Variants in MUC17 observed in about 807,000 individuals in gnomAD.
MUC17 encodes the protein mucin-17.
MUC17 carries 190 observed loss-of-function variants against 170.3 expected under a neutral mutation model. That is an observed-to-expected ratio of 1.12 (90% CI 0.99 to 1.26). The LOEUF (loss-of-function observed/expected upper bound fraction) is 1.26, where lower values mean the gene tolerates loss of function less well. MUC17 is among the 50% of genes most tolerant of loss of function. MUC17 has a pLI of 0.00. For synonymous variants in MUC17, 2,325 were observed against 2,002.5 expected (o/e 1.16, Z -4.30); for missense variants, 6,415 against 5,530.0 (o/e 1.16, Z -5.08).
At chr7:101,045,277 T>C (rs1794818191) in intron 3 of MUC17, among the ~76,000 whole-genome samples, 2 of 152,228 alleles carry the variant, frequency 1.3e-5, no homozygotes, top group Admixed American at 1.3e-4. Flanking sequence ...CCATCTTGAA[T>C]TGATGATGAT....
rs1382858233 is a variant in MUC17 at position 101,053,015 on chromosome 7, G to A, written c.13133G>A (p.Ser4378Asn). The change falls in exon 10 of 13, where the codon AGT (serine) becomes AAT (asparagine). Residue 4378 changes from serine (S) to asparagine (N), a missense_variant. By Grantham distance (46) the Ser-to-Asn change is conservative. Coordinates refer to ENST00000306151, the MANE Select transcript of MUC17 (RefSeq NM_001040105.2). ...LCVTTETHWYSGETCNQGTQK... is the reference protein window; with the variant it reads ...LCVTTETHWYNGETCNQGTQK... ...GTGACCACGGAAACTCACTGGTACAGTGGGGAGACCTGTAACCAGGGCACC... is the reference window on the plus strand; with the variant it reads ...GTGACCACGGAAACTCACTGGTACAATGGGGAGACCTGTAACCAGGGCACC... 6.2e-7 allele frequency: 1 copy of A among 1,614,118 alleles called. No individual in the cohort carries two copies. The highest frequency in any genetic ancestry group is 1.1e-5 in the South Asian group (1 of 91,072).
rs760798861 is a variant in MUC17, at chr7:101,037,405, G to A, written c.5989G>A (p.Val1997Met). The stretch of plus-strand genomic sequence containing the variant: ...AAGTATGCCTCTCAGCACCACGCTG[G>A]TGGTCAGTTCTGAGGCTAGCACTCT... The part of the protein sequence containing the change: ...LTSMPLSTTL[V>M]VSSEASTLST... The change falls in exon 3 of 13, where the codon GTG becomes ATG. Residue 1997 changes from valine to methionine, a missense_variant. Val to Met is a conservative substitution (Grantham distance 21, BLOSUM62 1). Transcript: ENST00000306151. 16 of 1,613,208 alleles carry A rather than the reference G, an allele frequency of 9.9e-6. No individual in the cohort carries two copies. The highest frequency in any genetic ancestry group is 3.3e-5 in the South Asian group (3 of 90,994).
At chr7:101,049,095 C>T (rs6968731) in intron 5 of MUC17, 123 bp downstream of exon 5, 280,733 of 1,476,556 alleles carry the variant, frequency 0.19, 29,023 homozygotes, top group Non-Finnish European at 0.21. Context: ...CAGGCCCCCA[C>T]GTCCTCAGGG....
chr7:101,056,732 C>T (rs1795052554), intron 12 of MUC17, among the ~76,000 whole-genome samples: 1 of 152,168 alleles, frequency 6.6e-6, no homozygotes. Flanking sequence ...GATCTCTAAC[C>T]ATTTCAGCAC....
Position 101,038,844 on chromosome 7 carries a change from T to G in MUC17, c.7428T>G (p.Leu2476=), listed in dbSNP as rs1241964226. Residue 2476 remains leucine (L), a synonymous_variant, in exon 3 of 13, where the codon CTT becomes CTG. Transcript: ENST00000306151. ...TPVVSSEAGT[L]STTPVDTSTP... is the part of the protein sequence containing the mutation. The stretch of plus-strand genomic sequence containing the variant: ...TGGTCAGTTCTGAGGCTGGCACCCT[T>G]TCCACAACTCCTGTTGACACCAGCA... 1 of 1,612,720 alleles carries G rather than the reference T, an allele frequency of 6.2e-7. No individual in the cohort carries two copies. Among genetic ancestry groups the G allele is most frequent in the African/African-American group, 1.3e-5 (1 of 74,834 alleles).
At position 101,037,000 on chromosome 7, in the gene MUC17, C is replaced by A; in HGVS notation, c.5584C>A (p.Pro1862Thr). The A allele has an allele frequency of 6.3e-7, 1 of 1,584,102 alleles. No homozygotes were observed. Among genetic ancestry groups the A allele is most frequent in the Non-Finnish European group, 8.5e-7 (1 of 1,179,074 alleles). ...AGGTACCAGCATAGCAACCTCAACG[C>A]CTAGTGAAGGAAGCACTGCATTAAC... ...AEGTSIATST[P>T]SEGSTALTSI... Residue 1862 changes from proline (P) to threonine (T), a missense_variant, in exon 3 of 13, where the codon CCT becomes ACT. Physicochemically the swap from Pro to Thr is conservative, Grantham distance 38. Coordinates refer to ENST00000306151, the MANE Select transcript of MUC17 (RefSeq NM_001040105.2).
In MUC17 at chr7:101,041,122, A is replaced by C; in HGVS notation, c.9706A>C (p.Ser3236Arg). 6.2e-7 allele frequency: 1 copy of C among 1,613,844 alleles called. No individual in the cohort carries two copies. The highest frequency in any genetic ancestry group is 8.5e-7 in the Non-Finnish European group (1 of 1,179,926). Residue 3236 changes from serine (S) to arginine (R), a missense_variant, in exon 3 of 13, where the codon AGT becomes CGT. Ser to Arg is a moderately radical substitution (Grantham distance 110). Transcript: ENST00000306151. ...SVPVSNTPVA[S>R]SEASILSTTP... ...ACCTGTCAGCAACACGCCGGTGGCC[A>C]GTTCTGAGGCTAGCATCCTTTCAAC...
In MUC17 at chr7:101,043,235, T is replaced by C; in HGVS notation, c.11819T>C (p.Phe3940Ser). The stretch of plus-strand genomic sequence containing the variant: ...GGAAGCACACCTGGGACAACCATTT[T>C]TATTCCCAGCACTCCTGTCACCAGT... ...TEGSTPGTTIFIPSTPVTSST... is the reference protein window; with the variant it reads ...TEGSTPGTTISIPSTPVTSST... Residue 3940 changes from phenylalanine (F) to serine (S), a missense_variant, in exon 3 of 13, where the codon TTT (phenylalanine) becomes TCT (serine). Phe to Ser is a radical substitution (Grantham distance 155). Transcript: ENST00000306151. 1 of 1,614,184 alleles carries C rather than the reference T, an allele frequency of 6.2e-7. No individual in the cohort carries two copies.
Position 101,053,063 on chromosome 7 carries a change from T to C in MUC17, c.13181T>C (p.Leu4394Pro), listed in dbSNP as rs768513243. 1 of 1,614,136 alleles carries C rather than the reference T, an allele frequency of 6.2e-7. No individual in the cohort carries two copies. The highest frequency in any genetic ancestry group is 8.5e-7 in the Non-Finnish European group (1 of 1,180,020). ...ACCCAGAAGAGTCTGGTGTACGGCC[T>C]CGTGGGGGCAGGGGTCGTGCTGATG... is the stretch of plus-strand genomic sequence containing the variant. ...QGTQKSLVYGLVGAGVVLMLI... is the reference protein window; with the variant it reads ...QGTQKSLVYGPVGAGVVLMLI... The change falls in exon 10 of 13, where the codon CTC (leucine) becomes CCC (proline). Residue 4394 changes from leucine (L) to proline (P), a missense_variant. Coordinates refer to ENST00000306151, the MANE Select transcript of MUC17 (RefSeq NM_001040105.2).
At position 101,058,241 on chromosome 7, in the gene MUC17, C is replaced by CA; in HGVS notation, c.*199dup. 1 of 448,856 alleles carries CA rather than the reference C, an allele frequency of 2.2e-6. No individual in the cohort carries two copies. The highest frequency in any genetic ancestry group is 4.7e-5 in the South Asian group (1 of 21,102). The allele number at this position is 448,856 out of a possible 1,614,324, so 27.8% of individuals were successfully genotyped here. ...CTCAAATAGAAACCCGTGGACGCTCCAATGGGCTTGTCATGATATCAGGCT... is the reference window on the plus strand; with the variant it reads ...CTCAAATAGAAACCCGTGGACGCTCCAAATGGGCTTGTCATGATATCAGGCT... On this transcript the variant is annotated 3_prime_UTR_variant, in exon 13 of 13. Coordinates refer to ENST00000306151, the MANE Select transcript of MUC17 (RefSeq NM_001040105.2).
chr7:101,041,011 A>G lies in MUC17; in HGVS notation c.9595A>G (p.Thr3199Ala), dbSNP rs749075625. ...CACCAGCACACCTGTGACCACTTCT[A>G]CTGAAGCCACTTCATCTACAACTGC... is the stretch of plus-strand genomic sequence containing the variant. ...VDTSTPVTTS[T>A]EATSSTTAEG... The change falls in exon 3 of 13, where the codon ACT (threonine) becomes GCT (alanine). Residue 3199 changes from threonine to alanine, a missense_variant. Coordinates refer to ENST00000306151, the MANE Select transcript of MUC17 (RefSeq NM_001040105.2). 3.7e-6 allele frequency: 6 copies of G among 1,608,972 alleles called. No individual in the cohort carries two copies. Among genetic ancestry groups the G allele is most frequent in the East Asian group, 4.5e-5 (2 of 44,496 alleles).
intron 8 of MUC17, 29 bp from the exon 9 acceptor site, chr7:101,051,774 C>T (rs6946405): frequency 6.2e-7 from 1 of 1,609,396 alleles, no homozygotes; most frequent in Non-Finnish European, 8.5e-7. Context: ...CTGATCACGG[C>T]TGTTCCCTGT....
Position 101,037,748 on chromosome 7 carries a change from C to A in MUC17, c.6332C>A (p.Thr2111Asn), listed in dbSNP as rs1348652041. Residue 2111 changes from threonine (T) to asparagine (N), a missense_variant, in exon 3 of 13, where the codon ACC becomes AAC. Thr to Asn is a moderately conservative substitution (Grantham distance 65). Transcript: ENST00000306151. ...CTACTAACAAGTATACCTCTCAGCA[C>A]CACGCCGGTGGCCAGTCCTGAGGCT... ...SPLLTSIPLS[T>N]TPVASPEAST... 1.2e-6 allele frequency: 2 copies of A among 1,613,750 alleles called. No individual in the cohort carries two copies. Among genetic ancestry groups the A allele is most frequent in the East Asian group, 4.5e-5 (2 of 44,886 alleles).
rs780003357 is a variant in MUC17, at chr7:101,042,943, A to T, written c.11527A>T (p.Ser3843Cys). The change falls in exon 3 of 13, where the codon AGC (serine) becomes TGC (cysteine). Residue 3843 changes from serine to cysteine, a missense_variant. Physicochemically the swap from Ser to Cys is moderately radical, Grantham distance 112. Coordinates refer to ENST00000306151, the MANE Select transcript of MUC17 (RefSeq NM_001040105.2). ...STLSTPPGDT[S>C]TPLLTSTKAG... The stretch of plus-strand genomic sequence containing the variant: ...ACTTTCAACACCTCCTGGTGATACC[A>T]GCACACCTTTGCTCACCTCTACCAA... The T allele has an allele frequency of 1.2e-6, 2 of 1,614,002 alleles. No homozygotes were observed. The highest frequency in any genetic ancestry group is 1.7e-6 in the Non-Finnish European group (2 of 1,180,038).
rs1171462098 is a variant in MUC17 at position 101,053,007 on chromosome 7, C to G, written c.13125C>G (p.His4375Gln). The change falls in exon 10 of 13, where the codon CAC becomes CAG. Residue 4375 changes from histidine to glutamine, a missense_variant. By Grantham distance (24) the His-to-Gln change is conservative. Coordinates refer to ENST00000306151, the MANE Select transcript of MUC17 (RefSeq NM_001040105.2). ...TCAGCTGCGTGACCACGGAAACTCA[C>G]TGGTACAGTGGGGAGACCTGTAACC... The part of the protein sequence containing the change: ...PQCLCVTTET[H>Q]WYSGETCNQG... The G allele has an allele frequency of 6.2e-7, 1 of 1,613,902 alleles. No individual in the cohort carries two copies. The highest frequency in any genetic ancestry group is 1.3e-5 in the African/African-American group (1 of 75,044).
Position 101,040,174 on chromosome 7 carries a change from A to T in MUC17, c.8758A>T (p.Ile2920Phe). ...PTTAEGTSMP[I>F]STPSEVSTPL... Reference sequence around the variant, plus strand: ...AACTGCTGAAGGTACCAGCATGCCAATCTCAACTCCTAGTGAAGTAAGTAC... The same window carrying T: ...AACTGCTGAAGGTACCAGCATGCCATTCTCAACTCCTAGTGAAGTAAGTAC... The change falls in exon 3 of 13, where the codon ATC (isoleucine) becomes TTC (phenylalanine). Residue 2920 changes from isoleucine (I) to phenylalanine (F), a missense_variant. Physicochemically the swap from Ile to Phe is conservative, Grantham distance 21. Transcript: ENST00000306151. 2 of 1,612,782 alleles carry T rather than the reference A, an allele frequency of 1.2e-6. No homozygotes were observed. The highest frequency in any genetic ancestry group is 1.7e-6 in the Non-Finnish European group (2 of 1,179,600).
At chr7:101,051,357 T>C (rs1584876812) in intron 7 of MUC17, among the ~76,000 whole-genome samples, 1 of 83,684 alleles carries the variant, frequency 1.2e-5, no homozygotes, top group Non-Finnish European at 2.1e-5. Context: ...AGAGCAATAC[T>C]CCATCTCAAA....
At chr7:101,024,539 G>A (rs1190880243) in intron 1 of MUC17, among the ~76,000 whole-genome samples, 3 of 152,066 alleles carry the variant, frequency 2.0e-5, no homozygotes. Flanking sequence ...ACCTCCCATG[G>A]CCCTCCAGTG....
Position 101,032,928 on chromosome 7 carries a change from A to C in MUC17, c.1512A>C (p.Ser504=), listed in dbSNP as rs1293177230. 6.2e-7 allele frequency: 1 copy of C among 1,613,868 alleles called. No individual in the cohort carries two copies. The highest frequency in any genetic ancestry group is 8.5e-7 in the Non-Finnish European group (1 of 1,179,974). The change falls in exon 3 of 13, where the codon TCA becomes TCC. Residue 504 remains serine, a synonymous_variant. Transcript: ENST00000306151. ...CTGAAGTTAACAGCATGCCAACCTC[A>C]ACTCCTAGTGAAGGAAGCACTCCAT... is the stretch of plus-strand genomic sequence containing the variant. ...PTAEVNSMPT[S]TPSEGSTPLT... is the part of the protein sequence containing the mutation.
Sources: gnomAD v4.1 joint callset for allele counts (sites outside exome capture counted in the v4.1 genomes callset) on GRCh38, gnomAD v4.1.1 for gene constraint, MANE v1.5 for transcripts, NCBI Gene and HGNC (gene_info 2026-07-23, HGNC 2026-07-21) for gene names.